The following SELENOS variants were observed in gnomAD, a reference collection of about 807,000 sequenced individuals.
The protein encoded by SELENOS is selenoprotein S, also known as VCP interacting membrane selenoprotein.
In SELENOS, 37 loss-of-function variants were observed where a neutral mutation model predicts 30.2. That is an observed-to-expected ratio of 1.23 (90% CI 0.94 to 1.61). The LOEUF is 1.61. SELENOS is among the 40% of genes most tolerant of loss of function. SELENOS has a pLI of 0.00. For synonymous variants in SELENOS, 119 were observed against 91.6 expected, an observed-to-expected ratio of 1.30 and a Z score of -1.71; for missense variants, 289 against 231.8, an observed-to-expected ratio of 1.25 and a Z score of -1.60.
chr15:101,272,960 CAA>C, intron 5 of SELENOS, 104 bp from the exon 6 acceptor site: 4 of 970,478 alleles, frequency 4.1e-6, no homozygotes, highest in African/African-American at 1.7e-5. Flanking sequence ...CAAAGCACTG[CAA>C]AGATACAGAT....
rs1216804610 is a variant in SELENOS at position 101,272,754 on chromosome 15, T to A, written c.*17A>T. The A allele has an allele frequency of 1.3e-6, 2 of 1,597,910 alleles. No homozygotes were observed. Among genetic ancestry groups the A allele is most frequent in the South Asian group, 2.3e-5 (2 of 87,968 alleles). ...GGGTTCATCTTGCTAATGTCAAAAG[T>A]GACACTAACAAGATTCTTAGCCTCA... On this transcript the variant is annotated 3_prime_UTR_variant, in exon 6 of 6. Transcript: ENST00000526049.
At position 101,276,455 on chromosome 15, in the gene SELENOS, G is replaced by A. The variant is rs887775831; in HGVS notation, c.211+86C>T. On this transcript the variant is annotated intron_variant, in intron 2 of 5. Transcript: ENST00000526049. ...AATAGAGACAGGGTCTTCCTGTGTG[G>A]CCCCTCTTACTTTTACTAAGAGACT... is the stretch of plus-strand genomic sequence containing the variant. The A allele has an allele frequency of 2.4e-5, 34 of 1,395,714 alleles. No homozygotes were observed. In the East Asian group the frequency reaches 6.8e-4, roughly 28 times the overall value. 86.5% of individuals were successfully genotyped at this position (1,395,714 alleles called of 1,614,324 possible).
rs980790535 is a variant in SELENOS, at chr15:101,274,304, T to C, written c.484+116A>G. 49 of 1,206,470 alleles carry C rather than the reference T, an allele frequency of 4.1e-5. No homozygotes were observed. In the African/African-American group the frequency reaches 7.0e-4, roughly 17 times the overall value. 74.7% of individuals were successfully genotyped at this position (1,206,470 alleles called of 1,614,324 possible). Reference sequence around the variant, plus strand: ...TGTTTCCTTTATTGAATCTTCACAATCCTAAGGAATTAGTCTTAATTTATG... The same window carrying C: ...TGTTTCCTTTATTGAATCTTCACAACCCTAAGGAATTAGTCTTAATTTATG... On this transcript the variant is annotated intron_variant, in intron 5 of 5. Transcript: ENST00000526049.
At chr15:101,272,881 A>T (rs1186899655) in intron 5 of SELENOS, 25 bp from the exon 6 acceptor site, 1 of 1,581,642 alleles carries the variant, frequency 6.3e-7, no homozygotes, top group African/African-American at 1.3e-5. Context: ...AAGCAGCACA[A>T]CAGTATTGAT....
chr15:101,273,378 G>C (rs1004912430), intron 5 of SELENOS, among the ~76,000 whole-genome samples: 1 of 152,058 alleles, frequency 6.6e-6, no homozygotes, highest in African/African-American at 2.4e-5. Context: ...AAGGTTCTAG[G>C]GCCACCCAGA....
intron 5 of SELENOS, chr15:101,274,179 C>T: frequency 1.8e-6 from 1 of 564,340 alleles, no homozygotes; most frequent in Non-Finnish European, 3.2e-6. Context: ...CCTCACCCTA[C>T]TTAGCTCTCC....
At chr15:101,276,841 C>A (rs1596466672) in intron 1 of SELENOS, 166 bp from the exon 2 acceptor site, 13 of 768,920 alleles carry the variant, frequency 1.7e-5, no homozygotes, top group East Asian at 8.6e-5. Flanking sequence ...TCAAGAAGTG[C>A]GACAATTCAG....
Position 101,274,664 on chromosome 15 carries a change from C to G in SELENOS, c.336G>C (p.Arg112Ser). ...TGTCCCACATTTCAATCTTCTGTCTCCTTTTTTCTTCTTCAAGCTGAGAAA... is the reference window on the plus strand; with the variant it reads ...TGTCCCACATTTCAATCTTCTGTCTGCTTTTTTCTTCTTCAAGCTGAGAAA... ...EKLKQLEEEKRRQKIEMWDSM... is the reference protein window; with the variant it reads ...EKLKQLEEEKSRQKIEMWDSM... Residue 112 changes from arginine to serine, a missense_variant, in exon 4 of 6, where the codon AGG becomes AGC. Transcript: ENST00000526049. 6.2e-7 allele frequency: 1 copy of G among 1,612,004 alleles called. No individual in the cohort carries two copies. The highest frequency in any genetic ancestry group is 2.2e-5 in the East Asian group (1 of 44,874).
chr15:101,275,395 T>G (rs1216017214), intron 2 of SELENOS, 34 bp from the exon 3 acceptor site: 1 of 1,493,796 alleles, frequency 6.7e-7, no homozygotes, highest in Non-Finnish European at 9.0e-7. Flanking sequence ...GATAAAGCAC[T>G]GTGTACAATA....
At chr15:101,274,743 G>A (rs2039306140) in intron 3 of SELENOS, 62 bp from the exon 4 acceptor site, 9 of 1,464,992 alleles carry the variant, frequency 6.1e-6, no homozygotes, top group South Asian at 1.3e-5. Context: ...CAAAGACAAA[G>A]CTAACTCTGA....
chr15:101,277,154 A>C, intron 1 of SELENOS, 188 bp downstream of exon 1: 4 of 969,788 alleles, frequency 4.1e-6, no homozygotes, highest in Non-Finnish European at 4.7e-6. Flanking sequence ...CGCCCAGGGA[A>C]GTGCGGCTCC....
chr15:101,276,120 A>G (rs1464068578), intron 2 of SELENOS, among the ~76,000 whole-genome samples: 1 of 151,486 alleles, frequency 6.6e-6, no homozygotes, highest in Non-Finnish European at 1.5e-5. Context: ...ACAGGGTTTC[A>G]CCATGTTGGC....
At chr15:101,273,461 T>C (rs970561637) in intron 5 of SELENOS, among the ~76,000 whole-genome samples, 1 of 152,198 alleles carries the variant, frequency 6.6e-6, no homozygotes, top group Non-Finnish European at 1.5e-5. Context: ...TCAGTTTCCT[T>C]ATTTGTAAAG....
intron 3 of SELENOS, 139 bp downstream of exon 3, chr15:101,275,116 T>C: frequency 1.5e-6 from 1 of 672,616 alleles, no homozygotes; most frequent in Non-Finnish European, 2.5e-6. Context: ...ACTTACATGG[T>C]AGGAACTGAA....
rs181843451 is a variant in SELENOS at position 101,276,751 on chromosome 15, A to G, written c.77-76T>C. ...CCTTTCCATAAGACTCAACAAACAC[A>G]AAGTGTAACTCCTGCCCTCAAAGCC... On this transcript the variant is annotated intron_variant, in intron 1 of 5. Coordinates refer to ENST00000526049, the MANE Select transcript of SELENOS (RefSeq NM_018445.6). 426 of 1,529,692 alleles carry G rather than the reference A, an allele frequency of 2.8e-4. 4 individuals carry two copies. The Admixed American group carries it at 8.1e-3, about 29-fold the overall frequency. The allele number at this position is 1,529,692 out of a possible 1,614,324, so 94.8% of individuals were successfully genotyped here.
At chr15:101,273,184 A>G (rs576547110) in intron 5 of SELENOS, among the ~76,000 whole-genome samples, 282 of 152,266 alleles carry the variant, frequency 1.9e-3, no homozygotes, top group Non-Finnish European at 3.1e-3. Flanking sequence ...GTGCTTACTA[A>G]AACTCATACA....
intron 5 of SELENOS, 113 bp from the exon 6 acceptor site, chr15:101,272,969 A>T: frequency 1.1e-6 from 1 of 918,616 alleles, no homozygotes; most frequent in Non-Finnish European, 1.7e-6. Flanking sequence ...GCAAAGATAC[A>T]GATCCTAAGG....
rs182868979 is a variant in SELENOS at position 101,272,719 on chromosome 15, C to A, written c.*52G>T. ...AAAAGCGTGCGTAAGGCAATTGAAT[C>A]GAGGGTTAAGGGTTCATCTTGCTAA... On this transcript the variant is annotated 3_prime_UTR_variant, in exon 6 of 6. Transcript: ENST00000526049. 10,007 of 1,541,862 alleles carry A rather than the reference C, an allele frequency of 6.5e-3. 71 individuals carry two copies. Among genetic ancestry groups the A allele is most frequent in the Non-Finnish European group, 7.0e-3 (7,925 of 1,135,262 alleles).
Position 101,277,364 on chromosome 15 carries a change from C to T in SELENOS, c.54G>A (p.Gly18=), listed in dbSNP as rs768452439. The change falls in exon 1 of 6, where the codon GGG becomes GGA. Residue 18 remains glycine (G), a synonymous_variant. Transcript: ENST00000526049. ...LSARPALETE[G]LRFLHTTVGS... ...CACCCGTGGTGTGCAGGAAGCGCAG[C>T]CCCTCGGTCTCCAGGGCCGGCCGCG... 1 of 1,513,554 alleles carries T rather than the reference C, an allele frequency of 6.6e-7. No individual in the cohort carries two copies. Among genetic ancestry groups the T allele is most frequent in the African/African-American group, 1.4e-5 (1 of 69,476 alleles). 93.8% of individuals were successfully genotyped at this position (1,513,554 alleles called of 1,614,324 possible). A position where few individuals can be genotyped will look rare whatever the true frequency, so the allele number is the denominator to read the frequency against.
Sources: allele counts gnomAD v4.1 joint callset (sites outside exome capture counted in the v4.1 genomes callset), GRCh38; gene constraint gnomAD v4.1.1; transcripts MANE v1.5; gene names NCBI Gene and HGNC (gene_info 2026-07-23, HGNC 2026-07-21).